ADAMTSL1: variants seen among roughly 807,000 people sequenced by gnomAD.
ADAMTSL1 encodes ADAMTS like 1.
ADAMTSL1 carries 126 observed loss-of-function variants against 201.8 expected under a neutral mutation model. The ratio of observed to expected loss-of-function variants is 0.62; its 90% confidence interval spans 0.54 to 0.72. The LOEUF (loss-of-function observed/expected upper bound fraction) is 0.72, where lower values mean the gene tolerates loss of function less well. Among genes scored for constraint, ADAMTSL1 ranks in the 30% least tolerant of loss-of-function variants. The pLI is 0.00. For synonymous variants in ADAMTSL1, 1,121 were observed against 903.4 expected, an observed-to-expected ratio of 1.24 and a Z score of -4.32; for missense variants, 2,679 against 2,277.8, an observed-to-expected ratio of 1.18 and a Z score of -3.59.
chr9:18,459,093 T>G (rs537907069), intron 2 of ADAMTSL1, among the ~76,000 whole-genome samples: 1 of 152,274 alleles, frequency 6.6e-6, no homozygotes, highest in African/African-American at 2.4e-5. Flanking sequence ...AATAACTGAG[T>G]TGGAGAAGCC....
chr9:18,838,991 G>C (rs1169967868), intron 23 of ADAMTSL1, among the ~76,000 whole-genome samples: 2 of 148,712 alleles, frequency 1.3e-5, no homozygotes, highest in Non-Finnish European at 3.0e-5. Flanking sequence ...GCATACATTT[G>C]GCCCACCCCC....
intron 3 of ADAMTSL1, among the ~76,000 whole-genome samples, chr9:18,556,601 G>A (rs1005973029): frequency 6.6e-6 from 1 of 151,916 alleles, no homozygotes; most frequent in Non-Finnish European, 1.5e-5. Context: ...CAATCTAAAA[G>A]CACTGGGTTT....
intron 2 of ADAMTSL1, among the ~76,000 whole-genome samples, chr9:18,179,715 A>C (rs1302481685): frequency 3.3e-5 from 5 of 152,200 alleles, no homozygotes. Context: ...AGTGGGGACC[A>C]ATATTCAACA....
intron 2 of ADAMTSL1, among the ~76,000 whole-genome samples, chr9:18,205,153 T>C (rs1290618446): frequency 1.3e-5 from 2 of 152,144 alleles, no homozygotes; most frequent in African/African-American, 4.8e-5. Flanking sequence ...TAATGAGATC[T>C]GACAGAATTA....
At chr9:18,206,053 CAAAAAAAAAAAAAA>C (rs71333031) in intron 2 of ADAMTSL1, among the ~76,000 whole-genome samples, 6 of 54,338 alleles carry the variant, frequency 1.1e-4, no homozygotes, top group Non-Finnish European at 1.5e-4. Context: ...GACTCCATCT[CAAAAAAAAAAAAAA>C]AAAAAAAAAA....
intron 23 of ADAMTSL1, among the ~76,000 whole-genome samples, chr9:18,844,197 G>A (rs1457257353): frequency 6.6e-6 from 1 of 152,144 alleles, no homozygotes; most frequent in Non-Finnish European, 1.5e-5. Flanking sequence ...TGATGGTGAT[G>A]TACAGATGGG....
chr9:18,745,727 T>A (rs937152232), intron 15 of ADAMTSL1, among the ~76,000 whole-genome samples: 12 of 152,228 alleles, frequency 7.9e-5, no homozygotes, highest in African/African-American at 2.7e-4. Context: ...TTAAAAACCA[T>A]GAGTTCATAC....
intron 2 of ADAMTSL1, among the ~76,000 whole-genome samples, chr9:18,346,864 G>C (rs1222739594): frequency 3.9e-5 from 6 of 152,170 alleles, no homozygotes. Context: ...CACATGGGCA[G>C]ATCCCAAAAC....
chr9:18,514,940 A>C (rs1818276209), intron 2 of ADAMTSL1, among the ~76,000 whole-genome samples: 1 of 152,148 alleles, frequency 6.6e-6, no homozygotes, highest in East Asian at 1.9e-4. Context: ...ATTTTGAAGA[A>C]ATTTCCTTCT....
chr9:18,332,325 AT>A (rs1835062937), intron 2 of ADAMTSL1, among the ~76,000 whole-genome samples: 1 of 152,220 alleles, frequency 6.6e-6, no homozygotes, highest in Admixed American at 6.5e-5. Context: ...TATGTTAATT[AT>A]AAGTAAAAAT....
intron 4 of ADAMTSL1, among the ~76,000 whole-genome samples, chr9:18,612,010 G>A (rs1825405350): frequency 1.3e-5 from 2 of 152,152 alleles, no homozygotes; most frequent in Admixed American, 6.6e-5. Flanking sequence ...CTATTAGGAA[G>A]AGCCAGGAAT....
chr9:18,809,007 T>C (rs1238117612), intron 20 of ADAMTSL1, among the ~76,000 whole-genome samples: 2 of 152,182 alleles, frequency 1.3e-5, no homozygotes. Flanking sequence ...ACTTAACAGA[T>C]ACTTATTGAG....
intron 2 of ADAMTSL1, among the ~76,000 whole-genome samples, chr9:18,199,981 T>C (rs1829367744): frequency 6.6e-6 from 1 of 152,028 alleles, no homozygotes; most frequent in African/African-American, 2.4e-5. Flanking sequence ...TTATAGCTTG[T>C]CTGATTATAA....
In ADAMTSL1 at chr9:18,499,289, C is replaced by T. The variant is rs552500130; in HGVS notation, c.64-5540C>T. 2.0e-5 allele frequency among the ~76,000 whole-genome samples: 3 copies of T among 152,362 alleles called. No individual in the cohort carries two copies. In the South Asian group the frequency reaches 6.2e-4, roughly 32 times the overall value. On this transcript the variant is annotated intron_variant, in intron 1 of 28. Transcript: ENST00000380548. ...ACACACTACGCTCTTTAAGAAAGTA[C>T]ATCAAAAAGCTAATGGACTTTTACA...
chr9:18,081,786 A>T (rs746173044), intron 1 of ADAMTSL1, among the ~76,000 whole-genome samples: 1 of 152,206 alleles, frequency 6.6e-6, no homozygotes, highest in South Asian at 2.1e-4. Flanking sequence ...GACTTTAAAG[A>T]TTATTAAACA....
intron 2 of ADAMTSL1, among the ~76,000 whole-genome samples, chr9:18,393,279 T>C (rs1466014248): frequency 1.3e-5 from 2 of 152,214 alleles, no homozygotes; most frequent in African/African-American, 4.8e-5. Context: ...TAAGAAGTAC[T>C]GTTGCTGTTG....
chr9:18,217,430 C>T (rs1830095236), intron 2 of ADAMTSL1, among the ~76,000 whole-genome samples: 1 of 152,004 alleles, frequency 6.6e-6, no homozygotes. Flanking sequence ...CAGCTTTATT[C>T]CTCCCTTTCC....
At chr9:18,899,880 G>A (rs1385210940) in intron 26 of ADAMTSL1, among the ~76,000 whole-genome samples, 2 of 152,146 alleles carry the variant, frequency 1.3e-5, no homozygotes, top group African/African-American at 4.8e-5. Context: ...ATAGGCATAG[G>A]CAAAGATTTC....
rs762467911 is a variant in ADAMTSL1, at chr9:18,905,854, A to G, written c.4924A>G (p.Ile1642Val). The G allele has an allele frequency of 6.2e-7, 1 of 1,613,490 alleles. No homozygotes were observed. Among genetic ancestry groups the G allele is most frequent in the Non-Finnish European group, 8.5e-7 (1 of 1,179,722 alleles). ...AGTCTTCTGCCAGACACGGGATGGCATCACCTTACCATCAGAGCAGTGCAG... is the reference window on the plus strand; with the variant it reads ...AGTCTTCTGCCAGACACGGGATGGCGTCACCTTACCATCAGAGCAGTGCAG... The part of the protein sequence containing the change: ...RQVFCQTRDG[I>V]TLPSEQCSAL... The change falls in exon 27 of 29, where the codon ATC (isoleucine) becomes GTC (valine). Residue 1642 changes from isoleucine to valine, a missense_variant. By Grantham distance (29) the Ile-to-Val change is conservative. Coordinates refer to ENST00000380548, the MANE Select transcript of ADAMTSL1 (RefSeq NM_001040272.6).
Sources: gnomAD v4.1 joint callset for allele counts (sites outside exome capture counted in the v4.1 genomes callset) on GRCh38, gnomAD v4.1.1 for gene constraint, MANE v1.5 for transcripts, NCBI Gene and HGNC (gene_info 2026-07-23, HGNC 2026-07-21) for gene names.